The following ERBB4 variants were observed in gnomAD, a reference collection of about 807,000 sequenced individuals.
ERBB4 encodes receptor tyrosine-protein kinase erbB-4.
ERBB4 carries 42 observed loss-of-function variants against 158.0 expected under a neutral mutation model. The ratio of observed to expected loss-of-function variants is 0.27; its 90% CI spans 0.21 to 0.34. The LOEUF is 0.34. Ranked by LOEUF, ERBB4 falls within the 10% of genes least tolerant of loss-of-function variation. The probability of loss-of-function intolerance (pLI) is 1.00; values close to 1 mark genes in which losing one functional copy is unlikely to be tolerated. For synonymous variants in ERBB4, 583 were observed against 558.7 expected, an observed-to-expected ratio of 1.04 and a Z score of -0.61; for missense variants, 1,333 against 1,624.1, an observed-to-expected ratio of 0.82 and a Z score of 3.08.
chr2:212,495,832 T>C (rs1231599944), intron 1 of ERBB4, among the ~76,000 whole-genome samples: 1 of 152,194 alleles, frequency 6.6e-6, no homozygotes, highest in African/African-American at 2.4e-5. Context: ...ACTACAAAGA[T>C]AACGGTGTAA....
At chr2:212,239,517 C>A (rs2084006307) in intron 1 of ERBB4, among the ~76,000 whole-genome samples, 1 of 152,192 alleles carries the variant, frequency 6.6e-6, no homozygotes, top group African/African-American at 2.4e-5. Context: ...CCTAAAGCTA[C>A]TCCTGAAGGT....
At chr2:211,894,724 C>A (rs1424443161) in intron 3 of ERBB4, among the ~76,000 whole-genome samples, 1 of 152,036 alleles carries the variant, frequency 6.6e-6, no homozygotes, top group Admixed American at 6.6e-5. Flanking sequence ...GTTGGTGATT[C>A]TGTGGCAGTC....
intron 1 of ERBB4, among the ~76,000 whole-genome samples, chr2:212,463,953 C>T (rs1008983725): frequency 3.9e-5 from 6 of 151,936 alleles, no homozygotes; most frequent in African/African-American, 1.4e-4. Context: ...AATTTCCTAC[C>T]TGCTCTTACC....
At chr2:211,950,526 T>C (rs1375117243) in intron 2 of ERBB4, among the ~76,000 whole-genome samples, 2 of 152,136 alleles carry the variant, frequency 1.3e-5, no homozygotes, top group Admixed American at 1.3e-4. Flanking sequence ...AGTTGGTTTA[T>C]AATAAAAAAT....
intron 1 of ERBB4, among the ~76,000 whole-genome samples, chr2:212,509,608 A>C (rs1050001663): frequency 1.5e-4 from 23 of 152,054 alleles, no homozygotes; most frequent in African/African-American, 5.6e-4. Context: ...CCTAATATAG[A>C]ATATGAAAAT....
At chr2:212,207,286 AG>A (rs1241894877) in intron 1 of ERBB4, among the ~76,000 whole-genome samples, 3 of 152,194 alleles carry the variant, frequency 2.0e-5, no homozygotes, top group Non-Finnish European at 4.4e-5. Flanking sequence ...TAAAGAGATA[AG>A]AAAGTGGAGT....
At chr2:212,062,054 T>A (rs1379177882) in intron 2 of ERBB4, among the ~76,000 whole-genome samples, 1 of 152,180 alleles carries the variant, frequency 6.6e-6, no homozygotes, top group Admixed American at 6.5e-5. Context: ...TCTTTTATAC[T>A]GTTAAAAAAA....
At chr2:212,273,931 C>G (rs1174401604) in intron 1 of ERBB4, among the ~76,000 whole-genome samples, 1 of 151,734 alleles carries the variant, frequency 6.6e-6, no homozygotes, top group Admixed American at 6.6e-5. Context: ...CCCCTGTGCA[C>G]TGGAAAATCT....
chr2:211,921,284 C>A (rs2079851589), intron 3 of ERBB4, among the ~76,000 whole-genome samples: 1 of 151,970 alleles, frequency 6.6e-6, no homozygotes, highest in South Asian at 2.1e-4. Flanking sequence ...ACCTTTCTTG[C>A]TGGCTAACAT....
chr2:211,884,304 G>A (rs2078738750), intron 3 of ERBB4, among the ~76,000 whole-genome samples: 1 of 151,866 alleles, frequency 6.6e-6, no homozygotes, highest in Non-Finnish European at 1.5e-5. Context: ...TTTTAATATT[G>A]AAATAGCTAC....
At chr2:211,851,378 C>T (rs549492231) in intron 3 of ERBB4, among the ~76,000 whole-genome samples, 19 of 151,884 alleles carry the variant, frequency 1.3e-4, no homozygotes, top group Non-Finnish European at 2.4e-4. Context: ...TTGGCTTAAT[C>T]CAATTCAATC....
At chr2:211,489,369 A>T (rs2065281780) in intron 20 of ERBB4, among the ~76,000 whole-genome samples, 1 of 152,070 alleles carries the variant, frequency 6.6e-6, no homozygotes, top group South Asian at 2.1e-4. Context: ...CTTAATAGGC[A>T]TATGACTTTA....
intron 1 of ERBB4, among the ~76,000 whole-genome samples, chr2:212,141,684 A>C (rs1391542358): frequency 6.6e-6 from 1 of 152,046 alleles, no homozygotes; most frequent in Non-Finnish European, 1.5e-5. Flanking sequence ...CCCAGTTATA[A>C]AAGCCACAAA....
At chr2:212,427,465 T>C (rs16848540) in intron 1 of ERBB4, among the ~76,000 whole-genome samples, 13,303 of 152,172 alleles carry the variant, frequency 0.087, 964 homozygotes, top group African/African-American at 0.19. Flanking sequence ...AAACTTATTT[T>C]GGGTTCCCTG....
Position 211,498,267 on chromosome 2 carries a change from A to G in ERBB4, c.2487+63636T>C, listed in dbSNP as rs556024223. Among the ~76,000 whole-genome samples, 16 of 152,244 alleles carry G rather than the reference A, an allele frequency of 1.1e-4. No homozygotes were observed. In the East Asian group the frequency reaches 2.9e-3, roughly 28 times the overall value. On this transcript the variant is annotated intron_variant, in intron 20 of 27. Coordinates refer to ENST00000342788, the MANE Select transcript of ERBB4 (RefSeq NM_005235.3). ...AGTCTTCAGTATGCCCTCTCGTTAC[A>G]TAGAATGAGTGTCCTATTCTAGGTA...
chr2:212,399,547 T>C (rs1415925534), intron 1 of ERBB4, among the ~76,000 whole-genome samples: 1 of 10,356 alleles, frequency 9.7e-5, no homozygotes, highest in Non-Finnish European at 1.7e-4. Flanking sequence ...TATATATACA[T>C]ATATATATAT....
intron 3 of ERBB4, among the ~76,000 whole-genome samples, chr2:211,868,478 T>C (rs116653201): frequency 1.3e-5 from 2 of 152,202 alleles, no homozygotes; most frequent in Non-Finnish European, 2.9e-5. Context: ...ATGGCTCTTA[T>C]AAACCTTTTA....
At chr2:211,580,972 T>C (rs1028405105) in intron 19 of ERBB4, among the ~76,000 whole-genome samples, 1 of 147,744 alleles carries the variant, frequency 6.8e-6, no homozygotes, top group Non-Finnish European at 1.5e-5. Flanking sequence ...TGCAGTGACC[T>C]GGATGAGATT....
At chr2:212,436,170 A>G (rs1481626240) in intron 1 of ERBB4, among the ~76,000 whole-genome samples, 1 of 151,986 alleles carries the variant, frequency 6.6e-6, no homozygotes, top group Non-Finnish European at 1.5e-5. Context: ...TCTAGTCAAC[A>G]CTGTCAGCCA....
Sources: gnomAD v4.1 joint callset for allele counts (sites outside exome capture counted in the v4.1 genomes callset) on GRCh38, gnomAD v4.1.1 for gene constraint, MANE v1.5 for transcripts, NCBI Gene and HGNC (gene_info 2026-07-23, HGNC 2026-07-21) for gene names.